CIB1: variants seen among roughly 807,000 people sequenced by gnomAD.
CIB1 encodes calcium and integrin-binding protein 1.
Under a neutral mutation model 25.0 loss-of-function variants are expected in CIB1, and 19 were observed. The observed-to-expected ratio is 0.76, with a 90% CI of 0.53 to 1.12. The LOEUF (loss-of-function observed/expected upper bound fraction) is 1.12. CIB1 is among the 50% of genes most tolerant of loss of function. The probability of loss-of-function intolerance (pLI) is 0.00; values close to 1 mark genes in which losing one functional copy is unlikely to be tolerated. For missense variants in CIB1, 236 were observed against 242.6 expected, an observed-to-expected ratio of 0.97 and a Z score of 0.18; for synonymous variants, 104 against 98.5, an observed-to-expected ratio of 1.06 and a Z score of -0.33.
At chr15:90,257,827 A>T in the CIB1 span, 173,569 of 1,193,214 alleles carry the variant, frequency 0.15, 15,458 homozygotes, top group African/African-American at 0.37. Context: ...GCCCAGGGAA[A>T]CTCAGCCTTT....
At chr15:90,241,603 A>G in the CIB1 span, 1 of 1,613,726 alleles carries the variant, frequency 6.2e-7, no homozygotes, top group African/African-American at 1.3e-5. Flanking sequence ...CCCGTGGAGC[A>G]GGCGCCAAGC....
At chr15:90,243,652 T>TG in the CIB1 span, 1 of 51,344 alleles carries the variant, frequency 1.9e-5, no homozygotes, top group Non-Finnish European at 4.1e-5. Context: ...TTTTTTTTTT[T>TG]TTTTTTTTTT....
the CIB1 span, among the ~76,000 whole-genome samples, chr15:90,256,653 C>A: frequency 2.0e-5 from 3 of 146,498 alleles, 1 homozygote; most frequent in Non-Finnish European, 4.5e-5. Flanking sequence ...TTCTTTCTCC[C>A]TTTCCTTCCC....
At chr15:90,240,634 G>A in the CIB1 span, among the ~76,000 whole-genome samples, 1 of 152,080 alleles carries the variant, frequency 6.6e-6, no homozygotes, top group Non-Finnish European at 1.5e-5. Flanking sequence ...CCAACATGGT[G>A]AAACACCATC....
the CIB1 span, chr15:90,242,567 C>T: frequency 9.7e-6 from 1 of 103,400 alleles, no homozygotes; most frequent in Non-Finnish European, 1.8e-5. Context: ...CTCAGCCTCC[C>T]GAGTAGCTGG....
At chr15:90,264,465 C>T in the CIB1 span, among the ~76,000 whole-genome samples, 2 of 152,178 alleles carry the variant, frequency 1.3e-5, no homozygotes, top group African/African-American at 2.4e-5. Flanking sequence ...GCCACCGCAC[C>T]AGGCCTATTT....
At chr15:90,263,652 G>C in the CIB1 span, 4 of 605,018 alleles carry the variant, frequency 6.6e-6, no homozygotes, top group South Asian at 5.9e-5. Flanking sequence ...CCGCGGCCTA[G>C]AAGAGATTTT....
At chr15:90,232,190 G>A (rs1962508554) in intron 3 of CIB1, 29 bp downstream of exon 3, 1 of 1,552,106 alleles carries the variant, frequency 6.4e-7, no homozygotes, top group Non-Finnish European at 8.9e-7. Flanking sequence ...AGTGGTGGGA[G>A]AGGTGTCAAA....
chr15:90,238,261 C>G (rs1345492098), upstream of CIB1, among the ~76,000 whole-genome samples: 1 of 152,216 alleles, frequency 6.6e-6, no homozygotes, highest in Non-Finnish European at 1.5e-5. Flanking sequence ...GATCGTGCCA[C>G]TGCACTGCAG....
chr15:90,261,692 A>C, the CIB1 span, among the ~76,000 whole-genome samples: 1 of 152,164 alleles, frequency 6.6e-6, no homozygotes, highest in Non-Finnish European at 1.5e-5. Flanking sequence ...AGGCAGGAGA[A>C]CTGCTTAAAC....
At chr15:90,257,354 G>A in the CIB1 span, 2 of 1,534,474 alleles carry the variant, frequency 1.3e-6, no homozygotes, top group African/African-American at 2.8e-5. Context: ...ACATGGTAGA[G>A]AGGTTTGTCA....
the CIB1 span, chr15:90,241,938 T>G: frequency 6.2e-7 from 1 of 1,614,072 alleles, no homozygotes; most frequent in African/African-American, 1.3e-5. Flanking sequence ...TGTCAAAACA[T>G]CCCAGGACTT....
chr15:90,261,978 C>A, the CIB1 span: 2 of 1,514,126 alleles, frequency 1.3e-6, no homozygotes, highest in Non-Finnish European at 1.8e-6. Context: ...CAGCCCTACT[C>A]TTGACTCACT....
At chr15:90,262,793 T>A in the CIB1 span, 2 of 1,222,704 alleles carry the variant, frequency 1.6e-6, no homozygotes, top group Non-Finnish European at 2.2e-6. Flanking sequence ...TCCTAATCAG[T>A]AAATTGAATC....
chr15:90,255,625 G>C, the CIB1 span: 1 of 1,335,002 alleles, frequency 7.5e-7, no homozygotes. Flanking sequence ...TGGGGTCCTT[G>C]GTGCAGTGCT....
chr15:90,261,247 T>G, the CIB1 span, among the ~76,000 whole-genome samples: 2 of 151,584 alleles, frequency 1.3e-5, no homozygotes, highest in African/African-American at 4.8e-5. Context: ...CCCAGATAAT[T>G]TTTGTATTTT....
At chr15:90,262,394 G>A in the CIB1 span, 3 of 1,314,474 alleles carry the variant, frequency 2.3e-6, no homozygotes, top group Non-Finnish European at 3.0e-6. Flanking sequence ...CCTAAGAACA[G>A]ATTGTAATTT....
At chr15:90,257,498 C>A in the CIB1 span, 4 of 986,290 alleles carry the variant, frequency 4.1e-6, no homozygotes, top group Non-Finnish European at 5.9e-6. Context: ...CCAGGATCAT[C>A]TAGAATAGCA....
chr15:90,262,209 C>A, the CIB1 span: 1 of 1,515,704 alleles, frequency 6.6e-7, no homozygotes, highest in Non-Finnish European at 8.8e-7. Context: ...GACCGACATT[C>A]TCCTCTGCAC....
Sources: allele counts gnomAD v4.1 joint callset (sites outside exome capture counted in the v4.1 genomes callset), GRCh38; gene constraint gnomAD v4.1.1; transcripts MANE v1.5; gene names NCBI Gene and HGNC (gene_info 2026-07-23, HGNC 2026-07-21).